Variants in EFEMP1 observed in about 807,000 individuals in gnomAD.
EFEMP1 encodes the protein EGF-containing fibulin-like extracellular matrix protein 1.
A neutral mutation model predicts 65.7 loss-of-function variants in EFEMP1; 18 were observed. The ratio of observed to expected loss-of-function variants is 0.27; its 90% CI spans 0.19 to 0.41. The LOEUF (loss-of-function observed/expected upper bound fraction) is 0.41, where lower values mean the gene tolerates loss of function less well. Ranked by LOEUF, EFEMP1 falls within the 10% of genes least tolerant of loss-of-function variation. The pLI is 1.00. For missense variants in EFEMP1, 469 were observed against 624.8 expected (o/e 0.75, Z 2.66); for synonymous variants, 237 against 219.7 (o/e 1.08, Z -0.70).
At chr2:55,914,610 A>G (rs1670607044) in intron 5 of EFEMP1, among the ~76,000 whole-genome samples, 1 of 152,238 alleles carries the variant, frequency 6.6e-6, no homozygotes, top group South Asian at 2.1e-4. Context: ...CAGTTCTTAC[A>G]TTTAAAATGT....
chr2:55,884,521 C>A (rs1280230137), intron 5 of EFEMP1, among the ~76,000 whole-genome samples: 2 of 152,216 alleles, frequency 1.3e-5, no homozygotes, highest in Non-Finnish European at 2.9e-5. Context: ...TGACAGTCCA[C>A]TGCCCTCTAC....
chr2:55,875,331 T>TACACACACACACACACACAC (rs747889223), intron 8 of EFEMP1, among the ~76,000 whole-genome samples: 4 of 105,882 alleles, frequency 3.8e-5, no homozygotes, highest in African/African-American at 1.8e-4. Flanking sequence ...CTGGGTTTCA[T>TACACACACACACACACACAC]ATATACACAC....
intron 5 of EFEMP1, among the ~76,000 whole-genome samples, chr2:55,897,960 G>A (rs572301971): frequency 6.6e-6 from 1 of 152,310 alleles, no homozygotes; most frequent in South Asian, 2.1e-4. Flanking sequence ...ACTCTGCTTA[G>A]GTTGAATTCA....
rs936807142 is a variant in EFEMP1, at chr2:55,871,203, G to A, written c.1001-80C>T. 2 of 1,596,734 alleles carry A rather than the reference G, an allele frequency of 1.3e-6. No individual in the cohort carries two copies. The highest frequency in any genetic ancestry group is 2.2e-5 in the East Asian group (1 of 44,734). On this transcript the variant is annotated intron_variant, in intron 9 of 11. Transcript: ENST00000355426. This position sits in a 1 kb window ranked among gnomAD's most constrained non-coding sequence, Gnocchi z 4.2. ...TTAAATCATATAACTGGCAGATTCT[G>A]TTTGCAAGGAAGGAGGTGTGAGAGC... is the stretch of plus-strand genomic sequence containing the variant.
Position 55,867,691 on chromosome 2 carries a change from T to C in EFEMP1, c.1321-457A>G, listed in dbSNP as rs557283291. 6.6e-6 allele frequency among the ~76,000 whole-genome samples: 1 copy of C among 152,164 alleles called. No individual in the cohort carries two copies. The highest frequency in any genetic ancestry group is 1.5e-5 in the Non-Finnish European group (1 of 68,002). On this transcript the variant is annotated intron_variant, in intron 11 of 11. Coordinates refer to ENST00000355426, the MANE Select transcript of EFEMP1 (RefSeq NM_001039348.3). The surrounding 1 kb of genome is among the most constrained non-coding windows in gnomAD (Gnocchi z 4.3). ...AGAATATGGTAAATGCTAAGATATA[T>C]GAGGTTATGCAGGGTACGTATGAAG...
At position 55,923,745 on chromosome 2, in the gene EFEMP1, C is replaced by A; in HGVS notation, c.-83G>T. The A allele has an allele frequency of 1.0e-6, 1 of 985,778 alleles. No individual in the cohort carries two copies. Among genetic ancestry groups the A allele is most frequent in the Non-Finnish European group, 1.2e-6 (1 of 830,378 alleles). 61.1% of individuals were successfully genotyped at this position (985,778 alleles called of 1,614,324 possible). ...CGCGCTGCGCTCCGGGCCCGGGCAG[C>A]GAGGGGAGTGCGCAGGGGAGGGCAG... On this transcript the variant is annotated 5_prime_UTR_variant, in exon 1 of 12. Coordinates refer to ENST00000355426, the MANE Select transcript of EFEMP1 (RefSeq NM_001039348.3). The surrounding 1 kb of genome is among the most constrained non-coding windows in gnomAD (Gnocchi z 5.3).
intron 5 of EFEMP1, among the ~76,000 whole-genome samples, chr2:55,902,142 G>C (rs1204839372): frequency 6.6e-6 from 1 of 152,220 alleles, no homozygotes; most frequent in Non-Finnish European, 1.5e-5. Context: ...ATAAATGTTT[G>C]TTGTTTTAAG....
chr2:55,900,841 A>G (rs1331663216), intron 5 of EFEMP1, among the ~76,000 whole-genome samples: 2 of 152,170 alleles, frequency 1.3e-5, no homozygotes, highest in Non-Finnish European at 2.9e-5. Flanking sequence ...TCTTTTCCTC[A>G]GAGTGCTATC....
At chr2:55,901,161 G>T (rs1670016947) in intron 5 of EFEMP1, among the ~76,000 whole-genome samples, 1 of 152,198 alleles carries the variant, frequency 6.6e-6, no homozygotes, top group South Asian at 2.1e-4. Flanking sequence ...GAGAGAGATG[G>T]AGAATGTGAT....
At chr2:55,875,333 TATAC>T (rs1477186475) in intron 8 of EFEMP1, among the ~76,000 whole-genome samples, 25 of 126,914 alleles carry the variant, frequency 2.0e-4, no homozygotes, top group African/African-American at 4.4e-4. Context: ...GGGTTTCATA[TATAC>T]ACACACACAC....
At chr2:55,913,140 G>A (rs1465192069) in intron 5 of EFEMP1, among the ~76,000 whole-genome samples, 2 of 152,230 alleles carry the variant, frequency 1.3e-5, no homozygotes, top group East Asian at 1.9e-4. Context: ...TGGCTCTAAC[G>A]TTAGGACTTC....
rs1668559605 is a variant in EFEMP1 at position 55,866,043 on chromosome 2, A to G, written c.*1030T>C. Reference sequence around the variant, plus strand: ...TAAAGCAGTGACATTTTAAACAAGGAGACGTATAAAATATTCCATAGAATT... The same window carrying G: ...TAAAGCAGTGACATTTTAAACAAGGGGACGTATAAAATATTCCATAGAATT... On this transcript the variant is annotated 3_prime_UTR_variant, in exon 12 of 12. Transcript: ENST00000355426. 1 of 152,220 alleles carries G rather than the reference A, an allele frequency of 6.6e-6. No individual in the cohort carries two copies. The highest frequency in any genetic ancestry group is 1.5e-5 in the Non-Finnish European group (1 of 68,038). 9.4% of individuals were successfully genotyped at this position (152,220 alleles called of 1,614,324 possible). A position where few individuals can be genotyped will look rare whatever the true frequency, so the allele number is the denominator to read the frequency against.
intron 5 of EFEMP1, among the ~76,000 whole-genome samples, chr2:55,907,077 T>C (rs56361700): frequency 0.055 from 8,327 of 152,306 alleles, 254 homozygotes; most frequent in African/African-American, 0.068. Flanking sequence ...TGTCCTGTTC[T>C]CTTGTGATAG....
At chr2:55,874,330 A>G (rs1206438917) in intron 9 of EFEMP1, among the ~76,000 whole-genome samples, 3 of 149,550 alleles carry the variant, frequency 2.0e-5, no homozygotes. Context: ...TTTTTTTTTT[A>G]GATCTTCCTG....
chr2:55,869,491 GTCTT>G (rs1668717508), intron 11 of EFEMP1, among the ~76,000 whole-genome samples: 1 of 151,936 alleles, frequency 6.6e-6, no homozygotes, highest in Admixed American at 6.6e-5. Context: ...TTTGCATTGG[GTCTT>G]TCTTTTCAGA....
At chr2:55,895,732 G>T (rs892994943) in intron 5 of EFEMP1, among the ~76,000 whole-genome samples, 1 of 151,502 alleles carries the variant, frequency 6.6e-6, no homozygotes. Context: ...TAGTAGAGAC[G>T]GGGTTTCACT....
At chr2:55,888,820 A>G (rs1669525968) in intron 5 of EFEMP1, among the ~76,000 whole-genome samples, 1 of 152,182 alleles carries the variant, frequency 6.6e-6, no homozygotes, top group Admixed American at 6.5e-5. Flanking sequence ...CCCATGCCAC[A>G]CAGGCTGGAG....
Position 55,866,019 on chromosome 2 carries a change from A to T in EFEMP1, c.*1054T>A, listed in dbSNP as rs1224828836. 1 of 152,222 alleles carries T rather than the reference A, an allele frequency of 6.6e-6. No homozygotes were observed. Among genetic ancestry groups the T allele is most frequent in the African/African-American group, 2.4e-5 (1 of 41,466 alleles). The allele number at this position is 152,222 out of a possible 1,614,324, so 9.4% of individuals were successfully genotyped here. On this transcript the variant is annotated 3_prime_UTR_variant, in exon 12 of 12. Transcript: ENST00000355426. ...ATTTAAAAATATGATACATCAAAGT[A>T]AAGCAGTGACATTTTAAACAAGGAG...
chr2:55,901,409 T>A (rs910703599), intron 5 of EFEMP1, among the ~76,000 whole-genome samples: 1 of 152,056 alleles, frequency 6.6e-6, no homozygotes, highest in Admixed American at 6.5e-5. Flanking sequence ...CATTTATGAG[T>A]GTTTTTGAGG....
Sources: gnomAD v4.1 joint callset for allele counts (sites outside exome capture counted in the v4.1 genomes callset) on GRCh38, gnomAD v4.1.1 for gene constraint, Gnocchi (gnomAD v3.1) non-coding constraint, MANE v1.5 for transcripts, NCBI Gene and HGNC (gene_info 2026-07-23, HGNC 2026-07-21) for gene names.